Variants in RUBCN observed in about 807,000 individuals in gnomAD.
RUBCN encodes rubicon autophagy regulator.
In RUBCN, 74 loss-of-function variants were observed where a neutral mutation model predicts 113.2. That is an observed-to-expected ratio of 0.65 (90% CI 0.54 to 0.79). RUBCN has a LOEUF of 0.79. Ranked by LOEUF, RUBCN falls within the 30% of genes least tolerant of loss-of-function variation. The pLI is 0.00. For missense variants in RUBCN, 1,109 were observed against 1,251.7 expected (o/e 0.89, Z 1.72); for synonymous variants, 480 against 490.0 (o/e 0.98, Z 0.27).
intron 1 of RUBCN, among the ~76,000 whole-genome samples, chr3:197,732,442 T>C (rs1485365115): frequency 6.6e-6 from 1 of 152,188 alleles, no homozygotes; most frequent in Non-Finnish European, 1.5e-5. Context: ...ACCTCCCCAG[T>C]AGCTGGGACT....
chr3:197,738,324 T>C (rs569727293), upstream of RUBCN, among the ~76,000 whole-genome samples: 1 of 152,218 alleles, frequency 6.6e-6, no homozygotes, highest in East Asian at 1.9e-4. Context: ...CTGTGGCAAG[T>C]GAGGGAGAAA....
intron 1 of RUBCN, among the ~76,000 whole-genome samples, chr3:197,734,505 A>G (rs1727899885): frequency 6.6e-6 from 1 of 152,056 alleles, no homozygotes; most frequent in Non-Finnish European, 1.5e-5. Context: ...CAAGTTACTT[A>G]CCCTGTCCAT....
At chr3:197,749,446 C>T in exon 1 of RUBCN, 6 of 1,247,928 alleles carry the variant, frequency 4.8e-6, no homozygotes, top group Non-Finnish European at 5.2e-6. Context: ...CAGCTCAGCG[C>T]AGCTGTAGGT....
chr3:197,718,532 C>T (rs1394710130), intron 1 of RUBCN, among the ~76,000 whole-genome samples: 2 of 152,178 alleles, frequency 1.3e-5, no homozygotes, highest in Non-Finnish European at 2.9e-5. Flanking sequence ...TCACTGTAGC[C>T]TCAACCTCCC....
intron 13 of RUBCN, 85 bp from the exon 14 acceptor site, chr3:197,682,700 G>C: frequency 6.3e-7 from 1 of 1,579,978 alleles, no homozygotes; most frequent in Non-Finnish European, 8.7e-7. Flanking sequence ...TCAGGGATGG[G>C]CAGGAGAAAA....
At position 197,749,555 on chromosome 3, in the gene RUBCN, A is replaced by C. The variant is rs761827244; in HGVS notation, c.-402T>G. On this transcript the variant is annotated 5_prime_UTR_variant, in exon 1 of 21. Coordinates refer to the RUBCN transcript ENST00000273582. The stretch of plus-strand genomic sequence containing the variant: ...CGAGGCTGCGTTGCGGTGGGCGCGA[A>C]AGGCTCGTGTGTACCGAAGTATAGG... The C allele has an allele frequency of 3.9e-6, 5 of 1,291,636 alleles. No individual in the cohort carries two copies. The South Asian group carries it at 6.2e-5, about 16-fold the overall frequency. The allele number at this position is 1,291,636 out of a possible 1,614,324, so 80.0% of individuals were successfully genotyped here. A position where few individuals can be genotyped will look rare whatever the true frequency, so the allele number is the denominator to read the frequency against.
chr3:197,687,192 C>G (rs1721945916), intron 11 of RUBCN, among the ~76,000 whole-genome samples: 2 of 152,120 alleles, frequency 1.3e-5, no homozygotes. Flanking sequence ...AATCCAACTT[C>G]AACACATTTT....
At chr3:197,730,885 CTTTTT>C (rs71166707) in intron 1 of RUBCN, among the ~76,000 whole-genome samples, 2,030 of 49,966 alleles carry the variant, frequency 0.041, 10 homozygotes, top group Middle Eastern at 0.05. Context: ...TTAAAAGCAT[CTTTTT>C]TTTTTTTTTT....
chr3:197,722,141 G>A (rs189733143), intron 1 of RUBCN, among the ~76,000 whole-genome samples: 2 of 152,138 alleles, frequency 1.3e-5, no homozygotes, highest in Admixed American at 1.3e-4. Flanking sequence ...TACACAGGAG[G>A]CTGAGGCAGG....
chr3:197,712,078 T>C (rs557667923), intron 2 of RUBCN, among the ~76,000 whole-genome samples: 16 of 152,334 alleles, frequency 1.1e-4, no homozygotes, highest in African/African-American at 3.4e-4. Context: ...TATTGATTTT[T>C]TTTTAATTGG....
At position 197,675,775 on chromosome 3, in the gene RUBCN, GA is replaced by G. The variant is rs768178652; in HGVS notation, c.2647-261del. 6.6e-6 allele frequency among the ~76,000 whole-genome samples: 1 copy of G among 152,228 alleles called. No individual in the cohort carries two copies. The highest frequency in any genetic ancestry group is 6.5e-5 in the Admixed American group (1 of 15,284). ...CGGCTCTCCATGAAGAGAGGAGAAG[GA>G]GGAAATGGCACCACAAAGGGCTTCC... On this transcript the variant is annotated intron_variant, in intron 18 of 19. Coordinates refer to ENST00000296343, the MANE Select transcript of RUBCN (RefSeq NM_014687.4). The surrounding 1 kb of genome is among the most constrained non-coding windows in gnomAD (Gnocchi z 4.4).
chr3:197,709,213 A>G (rs922663546), intron 2 of RUBCN, among the ~76,000 whole-genome samples: 2 of 152,206 alleles, frequency 1.3e-5, no homozygotes, highest in African/African-American at 4.8e-5. Context: ...GTCATGTTGC[A>G]TAAGCAGTTT....
chr3:197,719,476 C>CAAAAA (rs369029082), intron 1 of RUBCN, among the ~76,000 whole-genome samples: 8 of 54,140 alleles, frequency 1.5e-4, no homozygotes, highest in East Asian at 5.8e-4. Context: ...GAGATTGTCT[C>CAAAAA]AAAAAAAAAA....
intron 1 of RUBCN, among the ~76,000 whole-genome samples, chr3:197,746,718 T>C (rs1185754529): frequency 6.6e-6 from 1 of 152,186 alleles, no homozygotes; most frequent in Non-Finnish European, 1.5e-5. Context: ...CTGGAGGTTG[T>C]TTTATCTACA....
rs901592005 is a variant in RUBCN at position 197,683,736 on chromosome 3, T to C, written c.1848-297A>G. Among the ~76,000 whole-genome samples the C allele has an allele frequency of 6.6e-6, 1 of 152,218 alleles. No homozygotes were observed. The highest frequency in any genetic ancestry group is 2.4e-5 in the African/African-American group (1 of 41,444). On this transcript the variant is annotated intron_variant, in intron 12 of 19. Coordinates refer to ENST00000296343, the MANE Select transcript of RUBCN (RefSeq NM_014687.4). This position sits in a 1 kb window ranked among gnomAD's most constrained non-coding sequence, Gnocchi z 4.6. Reference sequence around the variant, plus strand: ...ACAGCAAAATGGAGATTATAATGCCTGCTTACAAAACAAAGTGAGTAAAAT... The same window carrying C: ...ACAGCAAAATGGAGATTATAATGCCCGCTTACAAAACAAAGTGAGTAAAAT...
At chr3:197,733,978 G>A (rs9857929) in intron 1 of RUBCN, among the ~76,000 whole-genome samples, 17,085 of 152,068 alleles carry the variant, frequency 0.11, 1,174 homozygotes, top group African/African-American at 0.18. Context: ...GACTCGGGCC[G>A]GGCACGGTGG....
chr3:197,723,282 C>T (rs576101578), intron 1 of RUBCN, among the ~76,000 whole-genome samples: 3 of 152,162 alleles, frequency 2.0e-5, no homozygotes, highest in East Asian at 1.9e-4. Flanking sequence ...TGGGTTCACC[C>T]GATTCTCGTG....
In RUBCN at chr3:197,683,643, C is replaced by A. The variant is rs559015770; in HGVS notation, c.1848-204G>T. Among the ~76,000 whole-genome samples, 1 of 152,330 alleles carries A rather than the reference C, an allele frequency of 6.6e-6. No homozygotes were observed. Among genetic ancestry groups the A allele is most frequent in the African/African-American group, 2.4e-5 (1 of 41,570 alleles). On this transcript the variant is annotated intron_variant, in intron 12 of 19. Coordinates refer to ENST00000296343, the MANE Select transcript of RUBCN (RefSeq NM_014687.4). This position sits in a 1 kb window ranked among gnomAD's most constrained non-coding sequence, Gnocchi z 4.6. ...TAAGACTTCGGTTCAAGCCCCACTT[C>A]CTGCCACTGCACGGCACTGCTAATG...
chr3:197,734,370 G>A (rs1220248294), intron 1 of RUBCN, among the ~76,000 whole-genome samples: 1 of 149,740 alleles, frequency 6.7e-6, no homozygotes, highest in African/African-American at 2.5e-5. Context: ...AGGAGTTTGA[G>A]ACCAGCCTAG....
Sources: gnomAD v4.1 joint callset for allele counts (sites outside exome capture counted in the v4.1 genomes callset) on GRCh38, gnomAD v4.1.1 for gene constraint, Gnocchi (gnomAD v3.1) non-coding constraint, MANE v1.5 for transcripts, NCBI Gene and HGNC (gene_info 2026-07-23, HGNC 2026-07-21) for gene names.